The following SCN1A variants were observed in gnomAD, a reference collection of about 807,000 sequenced individuals.
SCN1A encodes the protein sodium voltage-gated channel alpha subunit 1.
In SCN1A, 13 loss-of-function variants were observed where a neutral mutation model predicts 193.7. The ratio of observed to expected loss-of-function variants is 0.07; its 90% CI spans 0.04 to 0.11. The LOEUF (loss-of-function observed/expected upper bound fraction) is 0.11, where lower values mean the gene tolerates loss of function less well. Among genes scored for constraint, SCN1A ranks in the 10% least tolerant of loss-of-function variants. The probability of loss-of-function intolerance (pLI) is 1.00; values close to 1 mark genes in which losing one functional copy is unlikely to be tolerated. For missense variants in SCN1A, 1,432 were observed against 2,451.1 expected, an observed-to-expected ratio of 0.58 and a Z score of 8.78; for synonymous variants, 781 against 843.6, an observed-to-expected ratio of 0.93 and a Z score of 1.29.
At chr2:166,038,657 T>C (rs1696766114) in intron 17 of SCN1A, among the ~76,000 whole-genome samples, 1 of 152,186 alleles carries the variant, frequency 6.6e-6, no homozygotes, top group Non-Finnish European at 1.5e-5. Context: ...GAATTTTTAA[T>C]GAGTACTTGG....
At chr2:166,144,461 C>CT in intron 1 of SCN1A, among the ~76,000 whole-genome samples, 1 of 152,256 alleles carries the variant, frequency 6.6e-6, no homozygotes. Flanking sequence ...AGTGATAGAA[C>CT]ACATGTGACT....
At position 165,993,958 on chromosome 2, in the gene SCN1A, T is replaced by C. The variant is rs111605131; in HGVS notation, c.4852+188A>G. ...CACTAAGTATATTGTTCTAAATGGA[T>C]AGAATAAGAAACAATACTGACATAT... On this transcript the variant is annotated intron_variant, in intron 28 of 28. Coordinates refer to ENST00000674923, the MANE Select transcript of SCN1A (RefSeq NM_001165963.4). The C allele has an allele frequency of 4.5e-5, 27 of 606,374 alleles. No homozygotes were observed. In the African/African-American group the frequency reaches 4.6e-4, roughly 10 times the overall value. 37.6% of individuals were successfully genotyped at this position (606,374 alleles called of 1,614,324 possible). A position where few individuals can be genotyped will look rare whatever the true frequency, so the allele number is the denominator to read the frequency against.
At chr2:166,134,714 T>C (rs1691788102) in intron 1 of SCN1A, among the ~76,000 whole-genome samples, 1 of 152,206 alleles carries the variant, frequency 6.6e-6, no homozygotes. Context: ...TGCCAAGATG[T>C]AATCTAAAAA....
intron 2 of SCN1A, among the ~76,000 whole-genome samples, chr2:166,095,790 A>C (rs1687314233): frequency 6.6e-6 from 1 of 152,228 alleles, no homozygotes; most frequent in Non-Finnish European, 1.5e-5. Flanking sequence ...CAGAGCTATT[A>C]ATATCAGTTT....
chr2:166,103,211 G>A (rs1688311883), intron 2 of SCN1A, among the ~76,000 whole-genome samples: 1 of 152,204 alleles, frequency 6.6e-6, no homozygotes, highest in East Asian at 1.9e-4. Context: ...AGCACTTTGG[G>A]AAGCCAAGGA....
chr2:166,112,424 G>C (rs975263464), intron 2 of SCN1A, among the ~76,000 whole-genome samples: 1 of 152,116 alleles, frequency 6.6e-6, no homozygotes, highest in Non-Finnish European at 1.5e-5. Context: ...ATACCTAATA[G>C]ACTATAGTAT....
At chr2:166,086,208 G>A (rs1342113164) in intron 2 of SCN1A, among the ~76,000 whole-genome samples, 1 of 151,870 alleles carries the variant, frequency 6.6e-6, no homozygotes. Context: ...CTTCCCTAAG[G>A]GCTAAACAGA....
intron 1 of SCN1A, among the ~76,000 whole-genome samples, chr2:166,141,348 C>T (rs1692074993): frequency 6.6e-6 from 1 of 151,238 alleles, no homozygotes; most frequent in Non-Finnish European, 1.5e-5. Context: ...TGTGTATATC[C>T]AAGCATCTGA....
chr2:166,039,296 A>T, intron 17 of SCN1A, 127 bp downstream of exon 17: 3 of 935,756 alleles, frequency 3.2e-6, no homozygotes, highest in Non-Finnish European at 3.3e-6. Context: ...GTTTTTGACA[A>T]TGCAAATGTT....
chr2:166,120,416 T>A lies in SCN1A; in HGVS notation c.-142+6508A>T, dbSNP rs540864881. Among the ~76,000 whole-genome samples the A allele has an allele frequency of 3.3e-5, 5 of 151,186 alleles. No homozygotes were observed. The South Asian group carries it at 8.4e-4, about 25-fold the overall frequency. On this transcript the variant is annotated intron_variant, in intron 2 of 28. Coordinates refer to ENST00000674923, the MANE Select transcript of SCN1A (RefSeq NM_001165963.4). ...GGGCCATCCTAGATATATATGTTTG[T>A]AAGGTACTTTTTAATATACTATTAT...
chr2:165,994,033 C>G, intron 28 of SCN1A, 113 bp downstream of exon 28: 4 of 882,840 alleles, frequency 4.5e-6, no homozygotes, highest in Middle Eastern at 3.5e-4. Flanking sequence ...TAAAATGTAT[C>G]AAAATATTTA....
At position 166,126,004 on chromosome 2, in the gene SCN1A, A is replaced by T. The variant is rs566904837; in HGVS notation, c.-142+920T>A. Among the ~76,000 whole-genome samples, 6 of 152,322 alleles carry T rather than the reference A, an allele frequency of 3.9e-5. No homozygotes were observed. The South Asian group carries it at 1.2e-3, about 32-fold the overall frequency. On this transcript the variant is annotated intron_variant, in intron 2 of 28. Coordinates refer to ENST00000674923, the MANE Select transcript of SCN1A (RefSeq NM_001165963.4). ...ATATTTGAAACAAAACAGACAAACA[A>T]TGTGAAGGAAGGAGGAAAAACAGCC...
At chr2:166,084,155 A>G (rs556544385) in intron 2 of SCN1A, among the ~76,000 whole-genome samples, 21 of 151,530 alleles carry the variant, frequency 1.4e-4, no homozygotes, top group African/African-American at 4.8e-4. Flanking sequence ...TGGCCAGTCT[A>G]TTCATCTTCC....
intron 1 of SCN1A, among the ~76,000 whole-genome samples, chr2:166,136,388 GGTA>G (rs1010296525): frequency 6.6e-6 from 1 of 151,662 alleles, no homozygotes; most frequent in African/African-American, 2.4e-5. Flanking sequence ...TACTTCACAT[GGTA>G]GTTGTTTCTA....
chr2:166,115,267 G>A (rs1689729729), intron 2 of SCN1A, among the ~76,000 whole-genome samples: 1 of 152,180 alleles, frequency 6.6e-6, no homozygotes, highest in South Asian at 2.1e-4. Context: ...GCTGAGACAG[G>A]AGAATTGCTT....
chr2:166,073,472 C>G lies in SCN1A; in HGVS notation c.150G>C (p.Lys50Asn). The G allele has an allele frequency of 6.2e-7, 1 of 1,614,180 alleles. No individual in the cohort carries two copies. The highest frequency in any genetic ancestry group is 8.5e-7 in the Non-Finnish European group (1 of 1,180,012). The change falls in exon 4 of 29, where the codon AAG becomes AAC. Residue 50 changes from lysine (K) to asparagine (N), a missense_variant. Lys to Asn is a moderately conservative substitution (Grantham distance 94). Coordinates refer to ENST00000674923, the MANE Select transcript of SCN1A (RefSeq NM_001165963.4). ...DKKDDDENGP[K>N]PNSDLEAGKN... Reference sequence around the variant, plus strand: ...TTCCAGCTTCCAAGTCACTATTTGGCTTTGGGCCATTTTCGTCGTCATCTT... The same window carrying G: ...TTCCAGCTTCCAAGTCACTATTTGGGTTTGGGCCATTTTCGTCGTCATCTT...
chr2:166,012,706 C>T (rs373893179), intron 21 of SCN1A, among the ~76,000 whole-genome samples: 3 of 135,840 alleles, frequency 2.2e-5, no homozygotes, highest in Non-Finnish European at 4.6e-5. Flanking sequence ...GATTGATCTT[C>T]GCAGTCTCCA....
At position 166,113,743 on chromosome 2, in the gene SCN1A, G is replaced by C. The variant is rs953544143; in HGVS notation, c.-142+13181C>G. Among the ~76,000 whole-genome samples, 7 of 152,268 alleles carry C rather than the reference G, an allele frequency of 4.6e-5. No individual in the cohort carries two copies. In the East Asian group the frequency reaches 1.2e-3, roughly 25 times the overall value. On this transcript the variant is annotated intron_variant, in intron 2 of 28. Coordinates refer to ENST00000674923, the MANE Select transcript of SCN1A (RefSeq NM_001165963.4). Reference sequence around the variant, plus strand: ...AAGGGTAGTAGGTGCAAGGTGGGTGGATGATAGGAGGTTGCTTGGTGGATA... The same window carrying C: ...AAGGGTAGTAGGTGCAAGGTGGGTGCATGATAGGAGGTTGCTTGGTGGATA...
intron 10 of SCN1A, among the ~76,000 whole-genome samples, chr2:166,048,079 A>T (rs558490238): frequency 6.7e-6 from 1 of 149,096 alleles, no homozygotes; most frequent in East Asian, 2.1e-4. Context: ...CAATATACTT[A>T]TCTAAAAGAA....
Sources: gnomAD v4.1 joint callset for allele counts (sites outside exome capture counted in the v4.1 genomes callset) on GRCh38, gnomAD v4.1.1 for gene constraint, MANE v1.5 for transcripts, NCBI Gene and HGNC (gene_info 2026-07-23, HGNC 2026-07-21) for gene names.